The following TRIM2 variants were observed in gnomAD, a reference collection of about 807,000 sequenced individuals.
TRIM2 encodes tripartite motif containing 2, also known as tripartite motif-containing protein 2.
A neutral mutation model predicts 75.2 loss-of-function variants in TRIM2; 20 were observed. The observed-to-expected ratio is 0.27, with a 90% CI of 0.19 to 0.39. The LOEUF is 0.39. TRIM2 is among the 10% of genes least tolerant of loss of function. The pLI is 1.00. For synonymous variants in TRIM2, 373 were observed against 388.3 expected (o/e 0.96, Z 0.46); for missense variants, 660 against 990.8 (o/e 0.67, Z 4.48).
In TRIM2 at chr4:153,188,709, A is replaced by G. The variant is rs1579405936; in HGVS notation, c.-49+35439A>G. ...TTTGGGAGGCTGAGGTGAGAGGATC[A>G]CTTGAGGCCAGGAGTTTGAGACCGG... On this transcript the variant is annotated intron_variant, in intron 1 of 11. Coordinates refer to the TRIM2 transcript ENST00000437508. Among the ~76,000 whole-genome samples the G allele has an allele frequency of 2.0e-5, 3 of 151,986 alleles. No homozygotes were observed. The South Asian group carries it at 6.2e-4, about 32-fold the overall frequency.
At position 153,336,210 on chromosome 4, in the gene TRIM2, G is replaced by A. The variant is rs555777715; in HGVS notation, c.*1244G>A. On this transcript the variant is annotated 3_prime_UTR_variant, in exon 12 of 12. Coordinates refer to ENST00000338700, the MANE Select transcript of TRIM2 (RefSeq NM_015271.5). ...CTCTGAAAGACAGAAGCTTCGTCCA[G>A]CCACTCTTCAGCACATTCCTTTACT... The A allele has an allele frequency of 2.0e-6, 2 of 985,490 alleles. No homozygotes were observed. Among genetic ancestry groups the A allele is most frequent in the South Asian group, 9.4e-5 (2 of 21,276 alleles). 61.0% of individuals were successfully genotyped at this position (985,490 alleles called of 1,614,324 possible).
intron 6 of TRIM2, among the ~76,000 whole-genome samples, chr4:153,306,372 C>T (rs1764997788): frequency 6.6e-6 from 1 of 152,104 alleles, no homozygotes; most frequent in African/African-American, 2.4e-5. Flanking sequence ...TCATTATTAA[C>T]CAAGAAAAGG....
chr4:153,299,731 C>T (rs936497493), intron 6 of TRIM2, among the ~76,000 whole-genome samples: 1 of 152,054 alleles, frequency 6.6e-6, no homozygotes, highest in Non-Finnish European at 1.5e-5. Context: ...CCTGCTTTGA[C>T]CCGAGTCACC....
Position 153,188,198 on chromosome 4 carries a change from G to A in TRIM2, c.-49+34928G>A, listed in dbSNP as rs985535382. Among the ~76,000 whole-genome samples, 106 of 152,174 alleles carry A rather than the reference G, an allele frequency of 7.0e-4. 2 individuals carry two copies. The highest frequency in any genetic ancestry group is 1.6e-4 in the Non-Finnish European group (11 of 68,030). ...GCGAGGGCCAGGCGCGGTGGCTCAC[G>A]CCTGTAATCCTAACACCTTGGGAGT... is the stretch of plus-strand genomic sequence containing the variant. On this transcript the variant is annotated intron_variant, in intron 1 of 11. Transcript: ENST00000437508.
chr4:153,196,822 A>G (rs189826886), intron 1 of TRIM2, among the ~76,000 whole-genome samples: 13 of 152,336 alleles, frequency 8.5e-5, no homozygotes, highest in African/African-American at 2.9e-4. Context: ...CAACAAACGG[A>G]AAACCTCAGT....
chr4:153,327,652 A>ATCAT (rs1296860699), intron 10 of TRIM2, among the ~76,000 whole-genome samples: 16 of 152,236 alleles, frequency 1.1e-4, no homozygotes, highest in Non-Finnish European at 1.8e-4. Context: ...ATCATTAAAC[A>ATCAT]TTAACATTTA....
intron 6 of TRIM2, among the ~76,000 whole-genome samples, chr4:153,302,209 A>ATTG (rs1273245107): frequency 3.3e-5 from 5 of 151,934 alleles, no homozygotes; most frequent in Non-Finnish European, 5.9e-5. Flanking sequence ...TCATCCCTAC[A>ATTG]TTGTTGTTGT....
At chr4:153,179,820 G>C (rs1179160988) in intron 1 of TRIM2, among the ~76,000 whole-genome samples, 1 of 152,158 alleles carries the variant, frequency 6.6e-6, no homozygotes, top group Non-Finnish European at 1.5e-5. Flanking sequence ...TGACACTTGG[G>C]CCGTCGTGGC....
chr4:153,171,649 GATA>G (rs35908330), intron 1 of TRIM2, among the ~76,000 whole-genome samples: 70,853 of 151,424 alleles, frequency 0.47, 16,719 homozygotes, highest in African/African-American at 0.53. Context: ...GGAAAAAAAA[GATA>G]GTACGTCCTG....
At chr4:153,158,083 G>A (rs183889989) in intron 1 of TRIM2, among the ~76,000 whole-genome samples, 99 of 152,328 alleles carry the variant, frequency 6.5e-4, no homozygotes, top group Admixed American at 1.8e-3. Context: ...CTCTATTCTA[G>A]AGCTTTCCTG....
intron 1 of TRIM2, among the ~76,000 whole-genome samples, chr4:153,250,950 C>T (rs182877042): frequency 6.6e-6 from 1 of 152,186 alleles, no homozygotes; most frequent in South Asian, 2.1e-4. Context: ...CCACCTGGCA[C>T]ACAATCACTT....
chr4:153,263,970 G>C (rs536182552), intron 1 of TRIM2, among the ~76,000 whole-genome samples: 1 of 152,276 alleles, frequency 6.6e-6, no homozygotes, highest in East Asian at 1.9e-4. Context: ...TGGGGGTTAG[G>C]GCTTCAACAT....
At chr4:153,158,605 G>T (rs1729451375) in intron 1 of TRIM2, among the ~76,000 whole-genome samples, 1 of 152,098 alleles carries the variant, frequency 6.6e-6, no homozygotes, top group Non-Finnish European at 1.5e-5. Context: ...AGAAAGATTT[G>T]CACAATTAAA....
intron 6 of TRIM2, chr4:153,308,857 C>T (rs1486307650): frequency 2.8e-6 from 1 of 359,502 alleles, no homozygotes; most frequent in Non-Finnish European, 5.4e-6. Flanking sequence ...CCTGCCCCAC[C>T]TCTGCAAACT....
intron 3 of TRIM2, among the ~76,000 whole-genome samples, chr4:153,281,333 T>C (rs1315746330): frequency 6.6e-6 from 1 of 152,242 alleles, no homozygotes; most frequent in African/African-American, 2.4e-5. Flanking sequence ...GTGGAAATAT[T>C]TCTAAGGAAA....
chr4:153,187,604 A>G (rs1353346809), intron 1 of TRIM2, among the ~76,000 whole-genome samples: 1 of 152,186 alleles, frequency 6.6e-6, no homozygotes, highest in Non-Finnish European at 1.5e-5. Flanking sequence ...TTGGGGCAAG[A>G]ATGCAGTTTT....
At chr4:153,270,874 A>G (rs145274279) in intron 2 of TRIM2, among the ~76,000 whole-genome samples, 1 of 152,360 alleles carries the variant, frequency 6.6e-6, no homozygotes, top group African/African-American at 2.4e-5. Context: ...AAAAAAATCT[A>G]TCATTTCCTC....
rs77499847 is a variant in TRIM2 at position 153,160,911 on chromosome 4, G to A, written c.-49+7641G>A. On this transcript the variant is annotated intron_variant, in intron 1 of 11. Transcript: ENST00000437508. ...GGCGTGAGCCACCATGCCTGGCCAG[G>A]CTTCATTTTTAAAAAGGGGAGGGGA... Among the ~76,000 whole-genome samples, 495 of 152,214 alleles carry A rather than the reference G, an allele frequency of 3.3e-3. 4 individuals carry two copies. Among genetic ancestry groups the A allele is most frequent in the African/African-American group, 0.011 (473 of 41,520 alleles).
intron 1 of TRIM2, among the ~76,000 whole-genome samples, chr4:153,170,142 G>C (rs942251154): frequency 1.3e-5 from 2 of 152,146 alleles, no homozygotes; most frequent in Admixed American, 6.6e-5. Flanking sequence ...GAAGGAGGAG[G>C]AAGAGGGGGA....
Sources: allele counts gnomAD v4.1 joint callset (sites outside exome capture counted in the v4.1 genomes callset), GRCh38; gene constraint gnomAD v4.1.1; transcripts MANE v1.5; gene names NCBI Gene and HGNC (gene_info 2026-07-23, HGNC 2026-07-21).